Variants in PPIH observed in about 807,000 individuals in gnomAD.
PPIH encodes the protein peptidylprolyl isomerase H.
In PPIH, 16 loss-of-function variants were observed where a neutral mutation model predicts 27.6. The observed-to-expected ratio is 0.58, with a 90% CI of 0.39 to 0.88. The LOEUF is 0.88. Among genes scored for constraint, PPIH ranks in the 40% least tolerant of loss-of-function variants. The pLI, the probability that PPIH is intolerant of heterozygous loss-of-function variation, is 0.00. For missense variants in PPIH, 155 were observed against 224.1 expected, an observed-to-expected ratio of 0.69 and a Z score of 1.97; for synonymous variants, 63 against 76.1, an observed-to-expected ratio of 0.83 and a Z score of 0.90.
chr1:42,668,680 CCAAA>C (rs888428967), intron 9 of PPIH, among the ~76,000 whole-genome samples: 1 of 152,154 alleles, frequency 6.6e-6, no homozygotes, highest in Non-Finnish European at 1.5e-5. Flanking sequence ...AACTTTCACA[CCAAA>C]CAGATAAAGT....
At position 42,667,422 on chromosome 1, in the gene PPIH, C is replaced by T. The variant is rs371679740; in HGVS notation, c.*3C>T. 10 of 1,588,104 alleles carry T rather than the reference C, an allele frequency of 6.3e-6. No individual in the cohort carries two copies. Among genetic ancestry groups the T allele is most frequent in the Non-Finnish European group, 8.6e-6 (10 of 1,156,662 alleles). On this transcript the variant is annotated 3_prime_UTR_variant, in exon 9 of 10. Transcript: ENST00000304979. ...TCTCGCAGTGTGGGGAGATGTAGTCCAGACAAAGACTGAATCAGGTAAGTG... is the reference window on the plus strand; with the variant it reads ...TCTCGCAGTGTGGGGAGATGTAGTCTAGACAAAGACTGAATCAGGTAAGTG...
At chr1:42,659,442 T>C (rs1226282432) in intron 3 of PPIH, 80 bp from the exon 4 acceptor site, 7 of 1,614,038 alleles carry the variant, frequency 4.3e-6, no homozygotes, top group Non-Finnish European at 1.7e-6. Context: ...AGGAGAGTCC[T>C]TTTGGCTCCA....
chr1:42,659,127 G>A, intron 2 of PPIH, 101 bp from the exon 3 acceptor site: 1 of 1,551,522 alleles, frequency 6.4e-7, no homozygotes, highest in African/African-American at 1.4e-5. Context: ...CTGGCCGATT[G>A]GTGGACTTGC....
chr1:42,668,644 G>A (rs1055633185), intron 9 of PPIH, among the ~76,000 whole-genome samples: 1 of 152,112 alleles, frequency 6.6e-6, no homozygotes, highest in African/African-American at 2.4e-5. Flanking sequence ...GTTTACACAA[G>A]TAACATAATA....
In PPIH at chr1:42,667,553, G is replaced by A. The variant is rs902272763; in HGVS notation, c.*21+113G>A. Reference sequence around the variant, plus strand: ...ATGAGATTGAGCCCAGTTCCTCCGTGTATGGCCTTGGAGTAGTCACTTTCC... The same window carrying A: ...ATGAGATTGAGCCCAGTTCCTCCGTATATGGCCTTGGAGTAGTCACTTTCC... On this transcript the variant is annotated intron_variant, in intron 9 of 9. Coordinates refer to ENST00000304979, the MANE Select transcript of PPIH (RefSeq NM_006347.4). The A allele has an allele frequency of 2.9e-5, 24 of 824,494 alleles. No individual in the cohort carries two copies. The African/African-American group carries it at 3.4e-4, about 12-fold the overall frequency. The allele number at this position is 824,494 out of a possible 1,614,324, so 51.1% of individuals were successfully genotyped here.
chr1:42,661,988 C>T (rs1177968472), intron 5 of PPIH, among the ~76,000 whole-genome samples: 1 of 152,210 alleles, frequency 6.6e-6, no homozygotes, highest in Non-Finnish European at 1.5e-5. Flanking sequence ...TTTCACCAGT[C>T]TCCACAACTG....
At chr1:42,660,098 C>T (rs976306751) in intron 4 of PPIH, among the ~76,000 whole-genome samples, 1 of 152,220 alleles carries the variant, frequency 6.6e-6, no homozygotes, top group Admixed American at 6.5e-5. Context: ...TATGGGTGAT[C>T]TGCATTCTAC....
At chr1:42,660,193 A>C (rs559811142) in intron 4 of PPIH, among the ~76,000 whole-genome samples, 2 of 152,316 alleles carry the variant, frequency 1.3e-5, no homozygotes, top group South Asian at 4.1e-4. Context: ...CATGTTTAGC[A>C]GTACATTTCA....
At chr1:42,658,817 CTTCT>C in intron 1 of PPIH, 23 bp from the exon 2 acceptor site, 2 of 1,613,652 alleles carry the variant, frequency 1.2e-6, no homozygotes, top group Non-Finnish European at 1.7e-6. Flanking sequence ...TGGACTGGGC[CTTCT>C]GACACTCTCC....
downstream of PPIH, among the ~76,000 whole-genome samples, chr1:42,680,093 G>C (rs1419074037): frequency 2.0e-5 from 3 of 152,202 alleles, no homozygotes; most frequent in Non-Finnish European, 4.4e-5. Flanking sequence ...TAACCTAGTA[G>C]CATCTGAGCC....
At chr1:42,661,815 G>A (rs892536886) in intron 5 of PPIH, among the ~76,000 whole-genome samples, 1 of 152,078 alleles carries the variant, frequency 6.6e-6, no homozygotes, top group African/African-American at 2.4e-5. Flanking sequence ...TCTGCATGGT[G>A]TTGTATAACT....
downstream of PPIH, chr1:42,681,089 A>G (rs1650005841): frequency 6.6e-6 from 1 of 152,116 alleles, no homozygotes; most frequent in African/African-American, 2.4e-5. Context: ...CTCTACTTCC[A>G]TTCCTTGCCC....
At chr1:42,672,198 T>C (rs1026448211) in intron 9 of PPIH, among the ~76,000 whole-genome samples, 3 of 152,158 alleles carry the variant, frequency 2.0e-5, no homozygotes, top group East Asian at 1.9e-4. Context: ...GTATTTCTTA[T>C]ACTTTAACGT....
At chr1:42,673,020 G>A (rs951637129) in intron 9 of PPIH, among the ~76,000 whole-genome samples, 1 of 145,676 alleles carries the variant, frequency 6.9e-6, no homozygotes, top group Non-Finnish European at 1.5e-5. Context: ...TTTTAGACAG[G>A]GTCTTACTCT....
At chr1:42,666,613 T>G (rs752898321) in intron 8 of PPIH, 26 bp downstream of exon 8, 1 of 1,609,924 alleles carries the variant, frequency 6.2e-7, no homozygotes, top group Non-Finnish European at 8.5e-7. Context: ...ATTTTTCTGT[T>G]TCTCTGCCAT....
chr1:42,675,679 A>G (rs1649844871), intron 9 of PPIH, among the ~76,000 whole-genome samples: 1 of 152,184 alleles, frequency 6.6e-6, no homozygotes, highest in South Asian at 2.1e-4. Flanking sequence ...TGTTTGAGGA[A>G]TGGCAAGAGG....
chr1:42,664,588 T>G (rs1649227143), intron 5 of PPIH, among the ~76,000 whole-genome samples: 1 of 152,148 alleles, frequency 6.6e-6, no homozygotes, highest in Non-Finnish European at 1.5e-5. Flanking sequence ...GTTCCCTACT[T>G]TGTCTGCATC....
intron 9 of PPIH, among the ~76,000 whole-genome samples, chr1:42,668,235 A>G (rs746918484): frequency 6.6e-6 from 1 of 152,104 alleles, no homozygotes; most frequent in Non-Finnish European, 1.5e-5. Context: ...TTGAACACCA[A>G]TATATCTTCA....
At chr1:42,672,340 G>T (rs1312761865) in intron 9 of PPIH, among the ~76,000 whole-genome samples, 1 of 151,946 alleles carries the variant, frequency 6.6e-6, no homozygotes. Flanking sequence ...AAGTCAATAG[G>T]GGATAAGAGT....
Sources: gnomAD v4.1 joint callset for allele counts (sites outside exome capture counted in the v4.1 genomes callset) on GRCh38, gnomAD v4.1.1 for gene constraint, MANE v1.5 for transcripts, NCBI Gene and HGNC (gene_info 2026-07-23, HGNC 2026-07-21) for gene names.